Variants in TSPAN14 observed in about 807,000 individuals in gnomAD.
TSPAN14 encodes tetraspanin-14.
In TSPAN14, 16 loss-of-function variants were observed where a neutral mutation model predicts 36.6. That is an observed-to-expected ratio of 0.44 (90% CI 0.30 to 0.66). The LOEUF is 0.66. Ranked by LOEUF, TSPAN14 falls within the 30% of genes least tolerant of loss-of-function variation. The pLI, the probability that TSPAN14 is intolerant of heterozygous loss-of-function variation, is 0.12. For missense variants in TSPAN14, 231 were observed against 355.1 expected, an observed-to-expected ratio of 0.65 and a Z score of 2.81; for synonymous variants, 139 against 143.8, an observed-to-expected ratio of 0.97 and a Z score of 0.24.
chr10:80,486,179 C>T lies in TSPAN14; in HGVS notation c.-17-3038C>T, dbSNP rs769947863. ...CAGAATTGTTCCCTGGTTGGTCATG[C>T]GTGTTGGGTGGAAGGTGAAGCAGCA... On this transcript the variant is annotated intron_variant, in intron 1 of 8. Transcript: ENST00000429989. Among the ~76,000 whole-genome samples the T allele has an allele frequency of 2.6e-5, 4 of 152,172 alleles. No homozygotes were observed. The South Asian group carries it at 6.2e-4, about 24-fold the overall frequency.
chr10:80,477,692 A>T (rs1446005561), intron 1 of TSPAN14, among the ~76,000 whole-genome samples: 5 of 152,166 alleles, frequency 3.3e-5, no homozygotes. Flanking sequence ...TTCCACCGTG[A>T]TGCTGGGTGA....
At chr10:80,512,321 A>C (rs774680257) in intron 6 of TSPAN14, 52 bp downstream of exon 6, 4 of 1,605,816 alleles carry the variant, frequency 2.5e-6, no homozygotes, top group East Asian at 2.2e-5. Flanking sequence ...TGAAGCCCAG[A>C]AGCTTTCCTG....
At chr10:80,502,830 T>A (rs757679418) in intron 2 of TSPAN14, among the ~76,000 whole-genome samples, 2 of 152,006 alleles carry the variant, frequency 1.3e-5, no homozygotes, top group African/African-American at 2.4e-5. Context: ...TTAAGCCTTG[T>A]GAATTATGAG....
intron 1 of TSPAN14, among the ~76,000 whole-genome samples, chr10:80,460,985 T>G (rs911851770): frequency 6.6e-6 from 1 of 152,190 alleles, no homozygotes; most frequent in Non-Finnish European, 1.5e-5. Flanking sequence ...TTGCCTGGAC[T>G]GCACACTCCT....
chr10:80,512,406 C>T, intron 6 of TSPAN14, 137 bp downstream of exon 6: 2 of 1,287,964 alleles, frequency 1.6e-6, no homozygotes, highest in Non-Finnish European at 2.1e-6. Context: ...ACACCCTCCT[C>T]AAGGCTGCCT....
intron 1 of TSPAN14, among the ~76,000 whole-genome samples, chr10:80,464,418 G>A (rs180922615): frequency 3.1e-4 from 47 of 152,346 alleles, no homozygotes; most frequent in African/African-American, 1.1e-3. Context: ...GGTGGGGAAG[G>A]AGGGACAGTC....
chr10:80,488,500 C>G (rs1312260148), intron 1 of TSPAN14, among the ~76,000 whole-genome samples: 2 of 151,772 alleles, frequency 1.3e-5, no homozygotes, highest in Non-Finnish European at 1.5e-5. Flanking sequence ...GAGGACAAAG[C>G]TATGGCTATA....
intron 2 of TSPAN14, among the ~76,000 whole-genome samples, chr10:80,502,585 G>A (rs976521107): frequency 1.8e-4 from 27 of 152,112 alleles, no homozygotes; most frequent in African/African-American, 6.3e-4. Context: ...CTGGGGTCTG[G>A]GTTTTCTCTC....
chr10:80,476,213 A>C (rs759217232), intron 1 of TSPAN14, among the ~76,000 whole-genome samples: 6 of 151,938 alleles, frequency 3.9e-5, no homozygotes, highest in Non-Finnish European at 8.8e-5. Context: ...CTCTTAAAAA[A>C]AATTTAAAAA....
intron 1 of TSPAN14, among the ~76,000 whole-genome samples, chr10:80,480,324 C>A (rs1847187387): frequency 2.0e-5 from 3 of 152,238 alleles, no homozygotes; most frequent in African/African-American, 7.2e-5. Flanking sequence ...GAACTTCCAA[C>A]ACTATGTTGA....
Position 80,509,453 on chromosome 10 carries a change from C to G in TSPAN14, c.432C>G (p.Ile144Met), listed in dbSNP as rs1427913194. ...ACGATATCGATCTGCAAAACCTCAT[C>G]GACTCCCTTCAGAAAGCTGTAAGCA... is the stretch of plus-strand genomic sequence containing the variant. Residue 144 changes from isoleucine (I) to methionine (M), a missense_variant, in exon 5 of 9, where the codon ATC (isoleucine) becomes ATG (methionine). Physicochemically the swap from Ile to Met is conservative, Grantham distance 10. Coordinates refer to ENST00000429989, the Ensembl canonical transcript of TSPAN14. This position sits in a 1 kb window ranked among gnomAD's most constrained non-coding sequence, Gnocchi z 4.7. The G allele has an allele frequency of 6.2e-7, 1 of 1,613,752 alleles. No homozygotes were observed. The highest frequency in any genetic ancestry group is 1.3e-5 in the African/African-American group (1 of 74,900).
Position 80,489,068 on chromosome 10 carries a change from C to G in TSPAN14, c.-17-149C>G, listed in dbSNP as rs1847782269. On this transcript the variant is annotated intron_variant, in intron 1 of 8. Transcript: ENST00000429989. ...TAACCTGAGTTTTGCATTACCTATA[C>G]CTGGCCTTGGTATCAGGCCTCTGCT... The G allele has an allele frequency of 1.2e-5, 7 of 587,288 alleles. No individual in the cohort carries two copies. The Admixed American group carries it at 2.0e-4, about 16-fold the overall frequency. 36.4% of individuals were successfully genotyped at this position (587,288 alleles called of 1,614,324 possible).
chr10:80,477,120 A>G (rs891855467), intron 1 of TSPAN14, among the ~76,000 whole-genome samples: 4 of 152,190 alleles, frequency 2.6e-5, no homozygotes, highest in African/African-American at 9.6e-5. Context: ...AGTGCATCAA[A>G]TCCTGCTGCT....
intron 2 of TSPAN14, among the ~76,000 whole-genome samples, chr10:80,493,606 TAA>T (rs1280706799): frequency 1.3e-5 from 2 of 152,200 alleles, no homozygotes; most frequent in East Asian, 3.9e-4. Flanking sequence ...ACAGCATGGG[TAA>T]ACCTTGAGTA....
intron 1 of TSPAN14, among the ~76,000 whole-genome samples, chr10:80,463,397 G>C (rs954832771): frequency 6.6e-6 from 1 of 152,180 alleles, no homozygotes; most frequent in Non-Finnish European, 1.5e-5. Flanking sequence ...GACCCCTTCA[G>C]TTCTGCTCCC....
At chr10:80,455,363 G>A (rs1845689714) in intron 1 of TSPAN14, among the ~76,000 whole-genome samples, 1 of 152,134 alleles carries the variant, frequency 6.6e-6, no homozygotes, top group South Asian at 2.1e-4. Context: ...CTGCTATCCG[G>A]GAGGTCAGGC....
At chr10:80,471,051 C>T (rs1297285391) in intron 1 of TSPAN14, among the ~76,000 whole-genome samples, 1 of 152,170 alleles carries the variant, frequency 6.6e-6, no homozygotes, top group African/African-American at 2.4e-5. Context: ...GGGAGCATTT[C>T]CTGACCAGCT....
At chr10:80,461,189 C>T (rs1402541268) in intron 1 of TSPAN14, among the ~76,000 whole-genome samples, 1 of 152,220 alleles carries the variant, frequency 6.6e-6, no homozygotes, top group East Asian at 1.9e-4. Context: ...TCCCTCCAGC[C>T]TACCCTGCAC....
At chr10:80,495,967 C>G (rs995960465) in intron 2 of TSPAN14, among the ~76,000 whole-genome samples, 10 of 152,118 alleles carry the variant, frequency 6.6e-5, no homozygotes, top group Non-Finnish European at 1.3e-4. Context: ...GTTCTGCCTC[C>G]TGTTGCTATA....
Sources: allele counts gnomAD v4.1 joint callset (sites outside exome capture counted in the v4.1 genomes callset), GRCh38; gene constraint gnomAD v4.1.1; non-coding constraint Gnocchi (gnomAD v3.1); transcripts MANE v1.5; gene names NCBI Gene and HGNC (gene_info 2026-07-23, HGNC 2026-07-21).